The following IQSEC3 variants were observed in gnomAD, a reference collection of about 807,000 sequenced individuals.
IQSEC3 encodes the protein IQ motif and Sec7 domain ArfGEF 3.
A neutral mutation model predicts 105.4 loss-of-function variants in IQSEC3; 50 were observed. The observed-to-expected ratio is 0.47, with a 90% confidence interval of 0.38 to 0.60. IQSEC3 has a LOEUF of 0.60. IQSEC3 is among the 20% of genes least tolerant of loss of function. The pLI, the probability that IQSEC3 is intolerant of heterozygous loss-of-function variation, is 0.00. For missense variants in IQSEC3, 1,415 were observed against 1,630.0 expected, an observed-to-expected ratio of 0.87 and a Z score of 2.27; for synonymous variants, 708 against 746.0, an observed-to-expected ratio of 0.95 and a Z score of 0.83.
At chr12:74,752 A>T (rs1481270335) in intron 1 of IQSEC3, among the ~76,000 whole-genome samples, 3 of 152,286 alleles carry the variant, frequency 2.0e-5, no homozygotes, top group Non-Finnish European at 4.4e-5. Context: ...TTGGGGAGTT[A>T]ACCAGATATC....
At chr12:104,558 T>TC (rs1555077354) in intron 2 of IQSEC3, among the ~76,000 whole-genome samples, 2 of 136,032 alleles carry the variant, frequency 1.5e-5, no homozygotes, top group Non-Finnish European at 3.2e-5. Flanking sequence ...CACGCCCATT[T>TC]TAAAAAAAAA....
At chr12:145,307 CTT>C (rs1555090665) in intron 5 of IQSEC3, among the ~76,000 whole-genome samples, 1 of 152,176 alleles carries the variant, frequency 6.6e-6, no homozygotes, top group Non-Finnish European at 1.5e-5. Flanking sequence ...CAGGATCTCT[CTT>C]TGTCACCAGG....
At chr12:170,112 G>C (rs996682121) in intron 12 of IQSEC3, among the ~76,000 whole-genome samples, 9 of 152,324 alleles carry the variant, frequency 5.9e-5, no homozygotes, top group African/African-American at 2.2e-4. Context: ...GGCTCTTTTC[G>C]CTATGTGGAG....
chr12:75,674 T>C (rs1237157025), intron 1 of IQSEC3, among the ~76,000 whole-genome samples: 4 of 152,232 alleles, frequency 2.6e-5, no homozygotes, highest in Non-Finnish European at 5.9e-5. Context: ...GGATGGGAGA[T>C]GAGAGTCAAA....
intron 2 of IQSEC3, among the ~76,000 whole-genome samples, chr12:110,845 T>C (rs1163964133): frequency 3.3e-5 from 5 of 152,198 alleles, no homozygotes; most frequent in Admixed American, 3.3e-4. Context: ...AACTCCTCTC[T>C]GTCCCGTAGA....
chr12:74,810 G>A (rs1287205340), intron 1 of IQSEC3, among the ~76,000 whole-genome samples: 2 of 152,272 alleles, frequency 1.3e-5, no homozygotes, highest in Admixed American at 6.5e-5. Context: ...TTCTCATTTG[G>A]CAAATGAGAA....
intron 11 of IQSEC3, chr12:167,371 A>G (rs1555098806): frequency 1.3e-5 from 2 of 152,082 alleles, no homozygotes; most frequent in African/African-American, 2.4e-5. Context: ...AGCAGCACAT[A>G]CCCCGCTTCC....
intron 1 of IQSEC3, among the ~76,000 whole-genome samples, chr12:81,210 C>T (rs1565381260): frequency 6.6e-6 from 1 of 152,148 alleles, no homozygotes; most frequent in Non-Finnish European, 1.5e-5. Flanking sequence ...GGACAGACCA[C>T]ACAGTGAAGA....
chr12:128,412 G>T (rs549694944), intron 3 of IQSEC3, among the ~76,000 whole-genome samples: 2 of 152,086 alleles, frequency 1.3e-5, no homozygotes, highest in Non-Finnish European at 2.9e-5. Context: ...ACAGCATGGC[G>T]CCAGGAACTG....
chr12:108,448 A>G (rs149473111), intron 2 of IQSEC3, among the ~76,000 whole-genome samples: 2 of 152,336 alleles, frequency 1.3e-5, no homozygotes, highest in African/African-American at 2.4e-5. Flanking sequence ...GTTTCCATCA[A>G]TGACAGCCTG....
intron 5 of IQSEC3, among the ~76,000 whole-genome samples, chr12:145,478 C>T (rs1335578142): frequency 6.6e-6 from 1 of 152,194 alleles, no homozygotes; most frequent in Non-Finnish European, 1.5e-5. Context: ...TTAGAACCCT[C>T]CACTCCCCGC....
chr12:131,623 CT>C (rs1370555236), intron 3 of IQSEC3, among the ~76,000 whole-genome samples: 1 of 152,224 alleles, frequency 6.6e-6, no homozygotes, highest in Non-Finnish European at 1.5e-5. Flanking sequence ...CTTATTCAGC[CT>C]CAGCCACAGG....
At position 99,231 on chromosome 12, in the gene IQSEC3, T is replaced by G; in HGVS notation, c.623+17T>G. ...CTCCCAAAGGTGGGAACTGTGGCCCTTCCTCCCTTCCGCATCCCCACCTTC... is the reference window on the plus strand; with the variant it reads ...CTCCCAAAGGTGGGAACTGTGGCCCGTCCTCCCTTCCGCATCCCCACCTTC... On this transcript the variant is annotated intron_variant, in intron 2 of 13. Transcript: ENST00000538872. 6.3e-7 allele frequency: 1 copy of G among 1,595,216 alleles called. No individual in the cohort carries two copies. Among genetic ancestry groups the G allele is most frequent in the East Asian group, 2.2e-5 (1 of 44,768 alleles).
intron 3 of IQSEC3, among the ~76,000 whole-genome samples, chr12:134,254 T>C (rs894458778): frequency 2.0e-5 from 3 of 152,262 alleles, no homozygotes; most frequent in Admixed American, 6.5e-5. Context: ...TTGGAGGAGA[T>C]AGCAGTGGCC....
At position 174,766 on chromosome 12, in the gene IQSEC3, G is replaced by C; in HGVS notation, c.3282G>C (p.Gln1094His). The change falls in exon 14 of 14, where the codon CAG (glutamine) becomes CAC (histidine). Residue 1094 changes from glutamine (Q) to histidine (H), a missense_variant. Transcript: ENST00000538872. ...PTPPGTLVQC[Q>H]QIVKVIVLDK... The stretch of plus-strand genomic sequence containing the variant: ...CCCCGGGCACCCTGGTGCAGTGCCA[G>C]CAAATTGTCAAGGTCATTGTCCTGG... 1 of 1,590,474 alleles carries C rather than the reference G, an allele frequency of 6.3e-7. No individual in the cohort carries two copies.
At position 175,221 on chromosome 12, in the gene IQSEC3, A is replaced by C; in HGVS notation, c.*188A>C. ...AACCATCCTTCCCTTTCTCAGCTGC[A>C]CCCCCTCTGCAGATCTGAAGACACA... On this transcript the variant is annotated 3_prime_UTR_variant, in exon 14 of 14. Coordinates refer to ENST00000538872, the MANE Select transcript of IQSEC3 (RefSeq NM_001170738.2). The C allele has an allele frequency of 1.8e-6, 1 of 560,582 alleles. No homozygotes were observed. The allele number at this position is 560,582 out of a possible 1,614,324, so 34.7% of individuals were successfully genotyped here. A position where few individuals can be genotyped will look rare whatever the true frequency, so the allele number is the denominator to read the frequency against.
intron 7 of IQSEC3, 95 bp from the exon 8 acceptor site, chr12:161,831 T>A: frequency 2.3e-6 from 3 of 1,319,590 alleles, no homozygotes; most frequent in Non-Finnish European, 3.1e-6. Context: ...CCCCGGGAGC[T>A]CCAGGCTGGA....
intron 1 of IQSEC3, among the ~76,000 whole-genome samples, chr12:74,757 G>A (rs148089067): frequency 0.013 from 2,027 of 152,240 alleles, 23 homozygotes; most frequent in African/African-American, 0.036. Context: ...GAGTTAACCA[G>A]ATATCAGAGC....
chr12:157,279 G>A lies in IQSEC3; in HGVS notation c.2276+132G>A, dbSNP rs569325078. 62 of 1,309,932 alleles carry A rather than the reference G, an allele frequency of 4.7e-5. No homozygotes were observed. In the African/African-American group the frequency reaches 5.7e-4, roughly 12 times the overall value. 81.1% of individuals were successfully genotyped at this position (1,309,932 alleles called of 1,614,324 possible). A position where few individuals can be genotyped will look rare whatever the true frequency, so the allele number is the denominator to read the frequency against. Reference sequence around the variant, plus strand: ...GCCAGAAACACCCCTTCTGGTGTGGGCAGGAGGATGGCTGGGGAGAAACAA... The same window carrying A: ...GCCAGAAACACCCCTTCTGGTGTGGACAGGAGGATGGCTGGGGAGAAACAA... On this transcript the variant is annotated intron_variant, in intron 6 of 13. Coordinates refer to ENST00000538872, the MANE Select transcript of IQSEC3 (RefSeq NM_001170738.2).
Sources: allele counts gnomAD v4.1 joint callset (sites outside exome capture counted in the v4.1 genomes callset), GRCh38; gene constraint gnomAD v4.1.1; transcripts MANE v1.5; gene names NCBI Gene and HGNC (gene_info 2026-07-23, HGNC 2026-07-21).